Variants in ZC3H7A observed in about 807,000 individuals in gnomAD.
ZC3H7A encodes the protein zinc finger CCCH-type containing 7A, also known as zinc finger CCCH domain-containing protein 7A.
In ZC3H7A, 44 loss-of-function variants were observed where a neutral mutation model predicts 125.5. That is an observed-to-expected ratio of 0.35 (90% confidence interval 0.28 to 0.45). The LOEUF (loss-of-function observed/expected upper bound fraction) is 0.45. ZC3H7A is among the 20% of genes least tolerant of loss of function. ZC3H7A has a pLI of 1.00. For synonymous variants in ZC3H7A, 399 were observed against 391.2 expected, an observed-to-expected ratio of 1.02 and a Z score of -0.23; for missense variants, 977 against 1,170.7, an observed-to-expected ratio of 0.83 and a Z score of 2.41.
chr16:11,774,907 T>C (rs1351175661), intron 8 of ZC3H7A, 73 bp downstream of exon 8: 30 of 1,469,504 alleles, frequency 2.0e-5, no homozygotes, highest in African/African-American at 2.8e-5. Context: ...TATTTGACAA[T>C]ACATCACATA....
chr16:11,784,987 C>A (rs2053234354), intron 1 of ZC3H7A, among the ~76,000 whole-genome samples: 11 of 151,866 alleles, frequency 7.2e-5, no homozygotes, highest in Admixed American at 7.2e-4. Context: ...GGGGAAACCC[C>A]ATCTCTACTA....
At position 11,751,332 on chromosome 16, in the gene ZC3H7A, A is replaced by G. The variant is rs1188844874; in HGVS notation, c.2901T>C (p.Phe967=). ...AGCCAGCATATTAGTTTAAATCTTT[A>G]AACAAAAAACTATATTTTCCAAAGT... The part of the protein sequence containing the change: ...DNDFGKYSFL[F]KDLN Residue 967 remains phenylalanine, a synonymous_variant, in exon 23 of 23, where the codon TTT becomes TTC. Coordinates refer to ENST00000355758, the MANE Select transcript of ZC3H7A (RefSeq NM_014153.4). 3.7e-6 allele frequency: 6 copies of G among 1,611,994 alleles called. No individual in the cohort carries two copies. The highest frequency in any genetic ancestry group is 4.2e-6 in the Non-Finnish European group (5 of 1,179,418).
chr16:11,760,116 A>T (rs759327), intron 19 of ZC3H7A, among the ~76,000 whole-genome samples: 67,219 of 124,910 alleles, frequency 0.54, 17,193 homozygotes, highest in East Asian at 0.78. Context: ...CAGAGCAAGA[A>T]AAAATGAAAA....
intron 1 of ZC3H7A, 55 bp from the exon 2 acceptor site, chr16:11,782,443 A>T: frequency 3.5e-6 from 5 of 1,430,838 alleles, no homozygotes; most frequent in South Asian, 3.4e-5. Context: ...CTGGACTCCA[A>T]TGAAAACACC....
intron 1 of ZC3H7A, among the ~76,000 whole-genome samples, chr16:11,789,295 G>A (rs1035005212): frequency 1.2e-4 from 18 of 151,582 alleles, no homozygotes; most frequent in Admixed American, 1.1e-3. Flanking sequence ...ACAAACTCTC[G>A]CTCTGTCACC....
At chr16:11,763,758 T>C (rs1294866505) in intron 15 of ZC3H7A, 99 bp from the exon 16 acceptor site, 1 of 88,412 alleles carries the variant, frequency 1.1e-5, no homozygotes, top group African/African-American at 5.3e-5. Context: ...TATATATATA[T>C]ATATATATAT....
At chr16:11,781,490 T>G in intron 2 of ZC3H7A, 26 bp from the exon 3 acceptor site, 1 of 1,600,978 alleles carries the variant, frequency 6.2e-7, no homozygotes, top group African/African-American at 1.3e-5. Context: ...AAATTAACTG[T>G]AATTATCAAG....
chr16:11,779,771 C>T (rs1379390656), intron 3 of ZC3H7A, among the ~76,000 whole-genome samples: 1 of 152,164 alleles, frequency 6.6e-6, no homozygotes, highest in Non-Finnish European at 1.5e-5. Context: ...AGCACCCATA[C>T]ACACTAGGTA....
chr16:11,775,736 C>T (rs1057263177), intron 7 of ZC3H7A: 5 of 152,184 alleles, frequency 3.3e-5, no homozygotes, highest in African/African-American at 1.2e-4. Context: ...GTATTTGGCC[C>T]TGAACCACTC....
intron 19 of ZC3H7A, 93 bp downstream of exon 19, chr16:11,761,313 T>C: frequency 4.1e-6 from 5 of 1,228,092 alleles, no homozygotes; most frequent in Non-Finnish European, 5.9e-6. Context: ...GAATATTATT[T>C]AAAGGGCTTG....
At chr16:11,767,287 G>C (rs1019802391) in intron 13 of ZC3H7A, 130 bp downstream of exon 13, 4 of 773,522 alleles carry the variant, frequency 5.2e-6, no homozygotes, top group South Asian at 2.3e-5. Flanking sequence ...ACACCATCGA[G>C]GTTTGTGTAA....
chr16:11,794,425 T>A (rs1459640804), intron 1 of ZC3H7A, among the ~76,000 whole-genome samples: 1 of 152,220 alleles, frequency 6.6e-6, no homozygotes, highest in Admixed American at 6.5e-5. Context: ...AACTTCTGGA[T>A]TAATACTTTA....
In ZC3H7A at chr16:11,767,503, A is replaced by T; in HGVS notation, c.1436T>A (p.Ile479Lys). ...CCATGATTTATCTTCAACATTCTTTATCCTACCGATTAAAATATCTTTCTT... is the reference window on the plus strand; with the variant it reads ...CCATGATTTATCTTCAACATTCTTTTTCCTACCGATTAAAATATCTTTCTT... ...KCKKDILIGR[I>K]KNVEDKSWKK... Residue 479 changes from isoleucine to lysine, a missense_variant, in exon 13 of 23, where the codon ATA becomes AAA. This residue lies in a region of ZC3H7A where 342 missense variants were observed against 311.3 expected (regional missense o/e 1.10). Transcript: ENST00000355758. 1 of 1,612,456 alleles carries T rather than the reference A, an allele frequency of 6.2e-7. No individual in the cohort carries two copies. Among genetic ancestry groups the T allele is most frequent in the Middle Eastern group, 1.7e-4 (1 of 6,048 alleles).
At position 11,767,538 on chromosome 16, in the gene ZC3H7A, A is replaced by G. The variant is rs1462815811; in HGVS notation, c.1401T>C (p.Asp467=). Residue 467 remains aspartate (D), a synonymous_variant, in exon 13 of 23, where the codon GAT becomes GAC. Transcript: ENST00000355758. ...LMDFTYHANI[D]HKCKKDILIG... The stretch of plus-strand genomic sequence containing the variant: ...TTAAAATATCTTTCTTACACTTATG[A>G]TCTATGTTAGCATGGTAAGTGAAAT... The G allele has an allele frequency of 6.2e-7, 1 of 1,611,076 alleles. No individual in the cohort carries two copies. Among genetic ancestry groups the G allele is most frequent in the East Asian group, 2.2e-5 (1 of 44,710 alleles).
At chr16:11,769,249 C>T (rs2052924659) in intron 10 of ZC3H7A, among the ~76,000 whole-genome samples, 154 bp from the exon 11 acceptor site, 1 of 152,176 alleles carries the variant, frequency 6.6e-6, no homozygotes. Context: ...CCAAAGAGGG[C>T]TCTAGAGTCT....
At chr16:11,768,984 A>G (rs754394990) in intron 11 of ZC3H7A, 47 bp downstream of exon 11, 2 of 1,544,514 alleles carry the variant, frequency 1.3e-6, no homozygotes, top group Admixed American at 4.0e-5. Context: ...TTAAGTAACT[A>G]TTTTCAATTC....
chr16:11,773,769 G>C (rs559800554), intron 9 of ZC3H7A, among the ~76,000 whole-genome samples: 1 of 151,704 alleles, frequency 6.6e-6, no homozygotes, highest in African/African-American at 2.4e-5. Flanking sequence ...TGTAGTCCCA[G>C]CTACTCAGGA....
intron 3 of ZC3H7A, among the ~76,000 whole-genome samples, chr16:11,779,670 G>C (rs1308830072): frequency 1.3e-5 from 2 of 152,202 alleles, no homozygotes; most frequent in South Asian, 2.1e-4. Context: ...CCAAGTCAAA[G>C]AGAATGAATA....
chr16:11,797,023 T>C (rs1442204974), intron 1 of ZC3H7A, 101 bp downstream of exon 1: 4 of 141,266 alleles, frequency 2.8e-5, no homozygotes, highest in African/African-American at 1.1e-4. Flanking sequence ...CGCCGTCCGT[T>C]AACGGCCGCG....
Sources: allele counts gnomAD v4.1 joint callset (sites outside exome capture counted in the v4.1 genomes callset), GRCh38; gene constraint gnomAD v4.1.1; regional missense constraint gnomAD v4.1.1; transcripts MANE v1.5; gene names NCBI Gene and HGNC (gene_info 2026-07-23, HGNC 2026-07-21).